DRC5: variants seen among roughly 807,000 people sequenced by gnomAD.
DRC5 encodes the protein T-complex-associated testis-expressed protein 1.
the DRC5 span, among the ~76,000 whole-genome samples, chr6:44,282,992 C>A: frequency 6.6e-6 from 1 of 151,902 alleles, no homozygotes; most frequent in African/African-American, 2.4e-5. Context: ...TTAGTAGAGA[C>A]AGGGTTTTAC....
the DRC5 span, among the ~76,000 whole-genome samples, chr6:44,281,415 C>T: frequency 1.3e-4 from 20 of 152,056 alleles, no homozygotes; most frequent in Non-Finnish European, 8.8e-5. Context: ...GACGGAGTCT[C>T]GCACTGTCAC....
the DRC5 span, among the ~76,000 whole-genome samples, chr6:44,293,246 C>A: frequency 6.9e-6 from 1 of 145,762 alleles, no homozygotes; most frequent in African/African-American, 2.5e-5. Flanking sequence ...CAGCACCTTA[C>A]AACTGTCCAG....
chr6:44,294,148 A>G, the DRC5 span, among the ~76,000 whole-genome samples: 1 of 151,936 alleles, frequency 6.6e-6, no homozygotes, highest in Non-Finnish European at 1.5e-5. Flanking sequence ...ACGGCTGGCT[A>G]ATTTTGTATT....
At chr6:44,290,058 A>T in the DRC5 span, among the ~76,000 whole-genome samples, 6 of 152,220 alleles carry the variant, frequency 3.9e-5, no homozygotes, top group Non-Finnish European at 5.9e-5. Flanking sequence ...TGCGGGAAAG[A>T]TATCTAGGTA....
the DRC5 span, among the ~76,000 whole-genome samples, chr6:44,297,438 A>C: frequency 6.6e-6 from 1 of 152,066 alleles, no homozygotes; most frequent in Non-Finnish European, 1.5e-5. Context: ...TGTGGTGGGG[A>C]GGAGGCGCGG....
chr6:44,286,158 C>T, the DRC5 span: 3 of 1,613,516 alleles, frequency 1.9e-6, no homozygotes, highest in Admixed American at 3.3e-5. Flanking sequence ...TCCATCTCTC[C>T]CTCGCTGCCT....
the DRC5 span, among the ~76,000 whole-genome samples, chr6:44,291,664 C>T: frequency 2.6e-5 from 4 of 152,238 alleles, no homozygotes; most frequent in African/African-American, 9.6e-5. Flanking sequence ...TCCACTCATT[C>T]CTTCTGATGG....
the DRC5 span, among the ~76,000 whole-genome samples, chr6:44,296,938 C>CTTGGACTTGGGATGGGTGAAA: frequency 6.7e-6 from 1 of 148,310 alleles, no homozygotes; most frequent in Non-Finnish European, 1.5e-5. Flanking sequence ...TGAGCCTCGG[C>CTTGGACTTGGGATGGGTGAAA]CCGTGTGCTT....
chr6:44,279,775 G>C, the DRC5 span: 3 of 187,230 alleles, frequency 1.6e-5, no homozygotes, highest in Admixed American at 1.7e-4. Context: ...GTGTGTGTGT[G>C]TGTGTGTGTG....
chr6:44,293,959 A>G, the DRC5 span, among the ~76,000 whole-genome samples: 1 of 152,234 alleles, frequency 6.6e-6, no homozygotes, highest in East Asian at 1.9e-4. Context: ...TAAATCATAA[A>G]ATGTATACTG....
chr6:44,283,101 C>T, the DRC5 span, among the ~76,000 whole-genome samples: 108,343 of 152,058 alleles, frequency 0.71, 39,914 homozygotes, highest in Non-Finnish European at 0.81. Flanking sequence ...CGCGCCCGGC[C>T]GCTTGGGTCT....
chr6:44,295,314 C>T, the DRC5 span, among the ~76,000 whole-genome samples: 4 of 152,240 alleles, frequency 2.6e-5, no homozygotes, highest in Non-Finnish European at 4.4e-5. Flanking sequence ...AGAGTGGGGA[C>T]ACGTGCAGTG....
At chr6:44,285,921 G>T in the DRC5 span, 1 of 1,529,176 alleles carries the variant, frequency 6.5e-7, no homozygotes, top group South Asian at 1.2e-5. Context: ...GAATCTGAGA[G>T]ATGCTGAGAA....
the DRC5 span, among the ~76,000 whole-genome samples, chr6:44,288,993 CAAAA>C: frequency 4.9e-4 from 16 of 32,828 alleles, no homozygotes; most frequent in African/African-American, 1.1e-3. Context: ...GACTCTGTCT[CAAAA>C]AAAAAAAAAA....
chr6:44,290,379 A>G, the DRC5 span, among the ~76,000 whole-genome samples: 2 of 152,184 alleles, frequency 1.3e-5, no homozygotes, highest in Non-Finnish European at 2.9e-5. Flanking sequence ...TGATCATTGT[A>G]AAGCATACAG....
chr6:44,286,186 C>T, the DRC5 span: 10 of 1,611,850 alleles, frequency 6.2e-6, no homozygotes, highest in East Asian at 1.8e-4. Context: ...ACTGGTCGCC[C>T]GGCCGGAGCT....
chr6:44,291,183 CTGA>C, the DRC5 span, among the ~76,000 whole-genome samples: 3 of 152,186 alleles, frequency 2.0e-5, no homozygotes, highest in Non-Finnish European at 4.4e-5. Flanking sequence ...ACCATAAGGC[CTGA>C]TGTCATTTTA....
chr6:44,280,153 C>A, the DRC5 span: 2 of 1,593,726 alleles, frequency 1.3e-6, no homozygotes, highest in Admixed American at 1.7e-5. Flanking sequence ...AGGGATGGGG[C>A]TGGGGCCATG....
chr6:44,295,005 T>C, the DRC5 span, among the ~76,000 whole-genome samples: 1 of 152,104 alleles, frequency 6.6e-6, no homozygotes, highest in South Asian at 2.1e-4. Context: ...GGATACCCAA[T>C]AGCTGGGGGC....
Sources: allele counts gnomAD v4.1 joint callset (sites outside exome capture counted in the v4.1 genomes callset), GRCh38; gene constraint gnomAD v4.1.1; transcripts MANE v1.5; gene names NCBI Gene and HGNC (gene_info 2026-07-23, HGNC 2026-07-21).